The following ADGRL3 variants were observed in gnomAD, a reference collection of about 807,000 sequenced individuals.
ADGRL3 encodes adhesion G protein-coupled receptor L3.
ADGRL3 carries 62 observed loss-of-function variants against 153.5 expected under a neutral mutation model. That is an observed-to-expected ratio of 0.40 (90% CI 0.33 to 0.50). The LOEUF is 0.50. Ranked by LOEUF, ADGRL3 falls within the 20% of genes least tolerant of loss-of-function variation. The pLI is 0.47. For missense variants in ADGRL3, 1,641 were observed against 1,859.4 expected, an observed-to-expected ratio of 0.88 and a Z score of 2.16; for synonymous variants, 710 against 672.5, an observed-to-expected ratio of 1.06 and a Z score of -0.86.
intron 17 of ADGRL3, among the ~76,000 whole-genome samples, chr4:61,970,378 G>A (rs1399842170): frequency 6.6e-6 from 1 of 151,948 alleles, no homozygotes; most frequent in Non-Finnish European, 1.5e-5. Flanking sequence ...TCTATTGATT[G>A]ATCATTCCTT....
chr4:61,831,168 C>T lies in ADGRL3; in HGVS notation c.1480+17279C>T, dbSNP rs138844743. 9.8e-3 allele frequency among the ~76,000 whole-genome samples: 1,497 copies of T among 152,098 alleles called. 18 individuals are homozygous for T. The highest frequency in any genetic ancestry group is 0.037 in the Middle Eastern group (11 of 294). ...CCTCCCAAAGTGCTGGGATTACAGGCGTGAGCCACCACACCCGGCCTAGCT... is the reference window on the plus strand; with the variant it reads ...CCTCCCAAAGTGCTGGGATTACAGGTGTGAGCCACCACACCCGGCCTAGCT... On this transcript the variant is annotated intron_variant, in intron 9 of 26. Coordinates refer to ENST00000683033, the MANE Select transcript of ADGRL3 (RefSeq NM_001387552.1).
At chr4:61,267,657 A>G (rs1242468847) in intron 1 of ADGRL3, among the ~76,000 whole-genome samples, 1 of 151,668 alleles carries the variant, frequency 6.6e-6, no homozygotes, top group Non-Finnish European at 1.5e-5. Flanking sequence ...AGTAACAAAT[A>G]AACAAAGATG....
Position 61,676,430 on chromosome 4 carries a change from C to A in ADGRL3, c.474-396C>A, listed in dbSNP as rs559010722. 6.9e-4 allele frequency among the ~76,000 whole-genome samples: 105 copies of A among 151,972 alleles called. 1 individual carries two copies. Among genetic ancestry groups the A allele is most frequent in the Middle Eastern group, 6.8e-3 (2 of 294 alleles). On this transcript the variant is annotated intron_variant, in intron 5 of 26. Transcript: ENST00000683033. ...GTCAGTGAATTTATTTTACAACTGC[C>A]TAATAAACTCTGTGGTTATATTTTC... is the stretch of plus-strand genomic sequence containing the variant.
chr4:62,051,203 A>G (rs945018428), intron 25 of ADGRL3, among the ~76,000 whole-genome samples: 1 of 147,920 alleles, frequency 6.8e-6, no homozygotes, highest in African/African-American at 2.5e-5. Context: ...TACATACACA[A>G]AGGATATATA....
At chr4:61,293,805 A>G (rs2150205034) in intron 1 of ADGRL3, among the ~76,000 whole-genome samples, 1 of 152,330 alleles carries the variant, frequency 6.6e-6, no homozygotes, top group Admixed American at 6.5e-5. Flanking sequence ...ATGTGGGAAT[A>G]GATTTAAATC....
chr4:61,272,730 T>A (rs1272778705), intron 1 of ADGRL3, among the ~76,000 whole-genome samples: 1 of 152,174 alleles, frequency 6.6e-6, no homozygotes, highest in Non-Finnish European at 1.5e-5. Flanking sequence ...GTCAAAACTA[T>A]TGAATTAATT....
At chr4:61,510,499 C>T (rs1018144598) in intron 3 of ADGRL3, among the ~76,000 whole-genome samples, 5 of 152,120 alleles carry the variant, frequency 3.3e-5, no homozygotes, top group Admixed American at 1.3e-4. Flanking sequence ...ATCCTAACAC[C>T]GTTTATTAAA....
intron 2 of ADGRL3, among the ~76,000 whole-genome samples, chr4:61,410,333 T>A (rs1189359247): frequency 6.6e-6 from 1 of 152,152 alleles, no homozygotes; most frequent in Non-Finnish European, 1.5e-5. Context: ...ATTGTACCTT[T>A]TATCACATTG....
At chr4:61,696,551 T>C (rs1404182847) in intron 6 of ADGRL3, among the ~76,000 whole-genome samples, 2 of 152,074 alleles carry the variant, frequency 1.3e-5, no homozygotes, top group Non-Finnish European at 2.9e-5. Context: ...GATATGATAT[T>C]TCAAAATTCT....
intron 1 of ADGRL3, among the ~76,000 whole-genome samples, chr4:61,273,048 A>T (rs1365818614): frequency 6.6e-6 from 1 of 152,142 alleles, no homozygotes; most frequent in Non-Finnish European, 1.5e-5. Flanking sequence ...GATGATGATA[A>T]AACCTAGGTA....
At chr4:61,623,087 A>T (rs1269645055) in intron 5 of ADGRL3, among the ~76,000 whole-genome samples, 1 of 152,134 alleles carries the variant, frequency 6.6e-6, no homozygotes, top group Non-Finnish European at 1.5e-5. Flanking sequence ...TTGCCTTTAT[A>T]ACCAAGCATT....
At chr4:61,840,163 A>G (rs1021188615) in intron 9 of ADGRL3, among the ~76,000 whole-genome samples, 3 of 152,110 alleles carry the variant, frequency 2.0e-5, no homozygotes, top group Non-Finnish European at 4.4e-5. Context: ...CCCTGCAACC[A>G]GTGCCTCCTG....
intron 1 of ADGRL3, among the ~76,000 whole-genome samples, chr4:61,325,003 CTA>C (rs2095436392): frequency 6.6e-6 from 1 of 152,102 alleles, no homozygotes; most frequent in Non-Finnish European, 1.5e-5. Flanking sequence ...GATTACTTTA[CTA>C]AGTGCATTGC....
chr4:61,932,326 A>G (rs1220537960), intron 13 of ADGRL3, among the ~76,000 whole-genome samples: 2 of 152,092 alleles, frequency 1.3e-5, no homozygotes, highest in African/African-American at 2.4e-5. Flanking sequence ...GCTTTTATAC[A>G]TGGCCTTTAT....
chr4:61,821,511 C>T (rs559587097), intron 9 of ADGRL3, among the ~76,000 whole-genome samples: 69 of 152,040 alleles, frequency 4.5e-4, no homozygotes, highest in Non-Finnish European at 5.9e-4. Flanking sequence ...TACAGGCATG[C>T]ACCACCATGC....
intron 5 of ADGRL3, among the ~76,000 whole-genome samples, chr4:61,668,739 C>G (rs28416022): frequency 0.12 from 17,630 of 152,136 alleles, 1,309 homozygotes; most frequent in Middle Eastern, 0.19. Context: ...AAAATGGAGG[C>G]CTGGCACAGT....
chr4:61,857,730 C>G (rs1474740383), intron 9 of ADGRL3, among the ~76,000 whole-genome samples: 4 of 146,036 alleles, frequency 2.7e-5, no homozygotes, highest in African/African-American at 7.8e-5. Context: ...TTTCTTCTCT[C>G]TTTCTTTCTT....
chr4:62,043,148 G>A (rs1348454092), intron 24 of ADGRL3, among the ~76,000 whole-genome samples: 4 of 151,984 alleles, frequency 2.6e-5, no homozygotes, highest in Non-Finnish European at 4.4e-5. Context: ...AATATTTAAT[G>A]ACTGTATGGA....
intron 2 of ADGRL3, among the ~76,000 whole-genome samples, chr4:61,465,599 A>T (rs1203123903): frequency 6.6e-6 from 1 of 151,346 alleles, no homozygotes; most frequent in African/African-American, 2.4e-5. Flanking sequence ...TTAAAAGAAA[A>T]TATGCAATAA....
Sources: gnomAD v4.1 joint callset for allele counts (sites outside exome capture counted in the v4.1 genomes callset) on GRCh38, gnomAD v4.1.1 for gene constraint, MANE v1.5 for transcripts, NCBI Gene and HGNC (gene_info 2026-07-23, HGNC 2026-07-21) for gene names.